The following PHACTR1 variants were observed in gnomAD, a reference collection of about 807,000 sequenced individuals.
The protein encoded by PHACTR1 is phosphatase and actin regulator 1.
Under a neutral mutation model 69.2 loss-of-function variants are expected in PHACTR1, and 16 were observed. The observed-to-expected ratio is 0.23, with a 90% CI of 0.16 to 0.35. The LOEUF (loss-of-function observed/expected upper bound fraction) is 0.35, where lower values mean the gene tolerates loss of function less well. PHACTR1 is among the 10% of genes least tolerant of loss of function. The pLI, the probability that PHACTR1 is intolerant of heterozygous loss-of-function variation, is 1.00. For synonymous variants in PHACTR1, 312 were observed against 284.5 expected, an observed-to-expected ratio of 1.10 and a Z score of -0.97; for missense variants, 510 against 734.7, an observed-to-expected ratio of 0.69 and a Z score of 3.54.
At chr6:13,112,268 C>G (rs1477565655) in intron 5 of PHACTR1, among the ~76,000 whole-genome samples, 1 of 152,146 alleles carries the variant, frequency 6.6e-6, no homozygotes, top group Non-Finnish European at 1.5e-5. Context: ...GTTTTTTATC[C>G]AGTCTATCAT....
intron 4 of PHACTR1, among the ~76,000 whole-genome samples, chr6:12,926,544 A>T (rs115921465): frequency 0.014 from 2,070 of 152,306 alleles, 49 homozygotes; most frequent in African/African-American, 0.047. Context: ...TCCAGGCTCC[A>T]CCTGCTCCAC....
intron 4 of PHACTR1, among the ~76,000 whole-genome samples, chr6:12,913,206 A>G (rs1562005369): frequency 6.6e-6 from 1 of 152,240 alleles, no homozygotes. Flanking sequence ...CATGCAGAAT[A>G]TGGAACAGCA....
At chr6:13,131,726 C>T (rs1437838646) in intron 5 of PHACTR1, among the ~76,000 whole-genome samples, 2 of 152,170 alleles carry the variant, frequency 1.3e-5, no homozygotes, top group Non-Finnish European at 2.9e-5. Context: ...TGGCATTCTG[C>T]TTTGAAAATG....
intron 4 of PHACTR1, among the ~76,000 whole-genome samples, chr6:12,999,592 C>T (rs1175492137): frequency 6.6e-6 from 1 of 152,106 alleles, no homozygotes; most frequent in Non-Finnish European, 1.5e-5. Context: ...GAGTGAGACT[C>T]TGTCTCAGAA....
intron 4 of PHACTR1, among the ~76,000 whole-genome samples, chr6:12,873,599 C>CA (rs1561967372): frequency 6.6e-6 from 1 of 151,944 alleles, no homozygotes; most frequent in Non-Finnish European, 1.5e-5. Flanking sequence ...TTTCAAGCCA[C>CA]AAAAAAGGAG....
At chr6:12,896,742 A>C (rs1043352936) in intron 4 of PHACTR1, among the ~76,000 whole-genome samples, 3 of 152,210 alleles carry the variant, frequency 2.0e-5, no homozygotes, top group African/African-American at 7.2e-5. Context: ...AACTACAGTG[A>C]ATTGACGGTT....
chr6:13,283,205 G>A lies in PHACTR1; in HGVS notation c.1510-217G>A. The A allele has an allele frequency of 2.0e-6, 1 of 501,482 alleles. No homozygotes were observed. Among genetic ancestry groups the A allele is most frequent in the Non-Finnish European group, 3.5e-6 (1 of 285,172 alleles). The allele number at this position is 501,482 out of a possible 1,614,324, so 31.1% of individuals were successfully genotyped here. A position where few individuals can be genotyped will look rare whatever the true frequency, so the allele number is the denominator to read the frequency against. ...TAGAGGGTATGTAAGGGATAACAAA[G>A]CTCTCTCTTAGGACCTAGAAACGTC... On this transcript the variant is annotated intron_variant, in intron 12 of 14. Coordinates refer to ENST00000332995, the MANE Select transcript of PHACTR1 (RefSeq NM_030948.6). This position sits in a 1 kb window ranked among gnomAD's most constrained non-coding sequence, Gnocchi z 4.7.
intron 4 of PHACTR1, among the ~76,000 whole-genome samples, chr6:12,980,258 G>A (rs1795356627): frequency 6.6e-6 from 1 of 152,182 alleles, no homozygotes; most frequent in African/African-American, 2.4e-5. Flanking sequence ...GTGCACGTGT[G>A]TGACAAATGA....
chr6:13,084,833 TA>T (rs1338037670), intron 5 of PHACTR1, among the ~76,000 whole-genome samples: 1 of 152,058 alleles, frequency 6.6e-6, no homozygotes, highest in Non-Finnish European at 1.5e-5. Flanking sequence ...GTAAGCATAT[TA>T]AACATTTAAG....
At chr6:12,725,155 C>T (rs184988548) in intron 3 of PHACTR1, among the ~76,000 whole-genome samples, 1 of 152,270 alleles carries the variant, frequency 6.6e-6, no homozygotes, top group East Asian at 1.9e-4. Flanking sequence ...CGTCTCTCCC[C>T]TCACGCCTCC....
intron 13 of PHACTR1, among the ~76,000 whole-genome samples, chr6:13,285,387 T>A (rs1222746645): frequency 1.3e-5 from 2 of 152,170 alleles, no homozygotes. Context: ...TCAAAGCAAG[T>A]ATCGGCCATA....
chr6:12,860,363 G>A (rs1040401132), intron 4 of PHACTR1, among the ~76,000 whole-genome samples: 2 of 152,116 alleles, frequency 1.3e-5, no homozygotes, highest in Non-Finnish European at 2.9e-5. Flanking sequence ...ATTCCATGGT[G>A]TATGTGCCAC....
At chr6:12,878,560 G>A (rs1005652896) in intron 4 of PHACTR1, among the ~76,000 whole-genome samples, 3 of 152,232 alleles carry the variant, frequency 2.0e-5, no homozygotes, top group Admixed American at 6.5e-5. Flanking sequence ...GGGAACCCCA[G>A]CTAGCTCATA....
At chr6:13,097,350 C>T (rs918205697) in intron 5 of PHACTR1, among the ~76,000 whole-genome samples, 1 of 152,150 alleles carries the variant, frequency 6.6e-6, no homozygotes, top group African/African-American at 2.4e-5. Context: ...CTGCCCCCAC[C>T]CCTCTTCACC....
intron 4 of PHACTR1, among the ~76,000 whole-genome samples, chr6:12,979,745 C>T (rs1019349982): frequency 6.6e-6 from 1 of 151,104 alleles, no homozygotes; most frequent in Non-Finnish European, 1.5e-5. Context: ...AAAAAAAAAC[C>T]CCACACAACT....
At chr6:13,250,792 C>T (rs191760634) in intron 10 of PHACTR1, among the ~76,000 whole-genome samples, 6 of 152,178 alleles carry the variant, frequency 3.9e-5, no homozygotes, top group Admixed American at 2.6e-4. Context: ...ACTCCTTGGG[C>T]GCAAGACAGG....
intron 7 of PHACTR1, among the ~76,000 whole-genome samples, chr6:13,183,296 A>C (rs1362846999): frequency 6.6e-6 from 1 of 152,148 alleles, no homozygotes; most frequent in East Asian, 1.9e-4. Context: ...TTTGCCCCAA[A>C]ATAGGTCCCT....
At chr6:13,202,170 CT>C (rs1350245802) in intron 7 of PHACTR1, among the ~76,000 whole-genome samples, 1 of 152,194 alleles carries the variant, frequency 6.6e-6, no homozygotes, top group Non-Finnish European at 1.5e-5. Flanking sequence ...CATAGAATTG[CT>C]GGGGCTCACT....
intron 4 of PHACTR1, among the ~76,000 whole-genome samples, chr6:12,757,794 C>A (rs998944502): frequency 3.3e-5 from 5 of 152,112 alleles, no homozygotes; most frequent in Non-Finnish European, 5.9e-5. Flanking sequence ...AGACCTCTAT[C>A]AGACATCCAA....
Sources: gnomAD v4.1 joint callset for allele counts (sites outside exome capture counted in the v4.1 genomes callset) on GRCh38, gnomAD v4.1.1 for gene constraint, Gnocchi (gnomAD v3.1) non-coding constraint, MANE v1.5 for transcripts, NCBI Gene and HGNC (gene_info 2026-07-23, HGNC 2026-07-21) for gene names.